CSNK1A1: variants seen among roughly 807,000 people sequenced by gnomAD.
CSNK1A1 encodes casein kinase 1 alpha 1.
A neutral mutation model predicts 46.1 loss-of-function variants in CSNK1A1; 7 were observed. The observed-to-expected ratio is 0.15, with a 90% CI of 0.09 to 0.29. The LOEUF (loss-of-function observed/expected upper bound fraction) is 0.29. CSNK1A1 is among the 10% of genes least tolerant of loss of function. The pLI is 1.00. For synonymous variants in CSNK1A1, 137 were observed against 141.5 expected, an observed-to-expected ratio of 0.97 and a Z score of 0.23; for missense variants, 96 against 417.1, an observed-to-expected ratio of 0.23 and a Z score of 6.71.
intron 2 of CSNK1A1, among the ~76,000 whole-genome samples, chr5:149,535,878 T>G (rs889617717): frequency 2.6e-5 from 4 of 152,056 alleles, no homozygotes; most frequent in Non-Finnish European, 5.9e-5. Context: ...ACTCCTGACC[T>G]CAAGTGATCC....
Position 149,534,482 on chromosome 5 carries a change from C to CAAAAA in CSNK1A1, c.231-9316_231-9312dup, listed in dbSNP as rs10597922. Among the ~76,000 whole-genome samples, 95 of 94,980 alleles carry CAAAAA rather than the reference C, an allele frequency of 1.0e-3. 3 individuals are homozygous for CAAAAA. The highest frequency in any genetic ancestry group is 3.9e-3 in the African/African-American group (92 of 23,612). The allele number at this position is 94,980 out of a possible 152,430, so 62.3% of individuals were successfully genotyped here. On this transcript the variant is annotated intron_variant, in intron 2 of 9. Transcript: ENST00000377843. ...CTGGCGACAGAGCGAGACTCTGTCT[C>CAAAAA]AAAAAAAAAAAAAAAAAAAAAAAAA...
chr5:149,512,325 ATATT>A (rs1191470060), intron 5 of CSNK1A1, among the ~76,000 whole-genome samples: 3 of 152,036 alleles, frequency 2.0e-5, no homozygotes, highest in African/African-American at 4.8e-5. Flanking sequence ...AGATATATAT[ATATT>A]TAAGGATAGG....
intron 9 of CSNK1A1, chr5:149,504,576 C>G (rs995704607): frequency 1.2e-5 from 12 of 985,380 alleles, no homozygotes; most frequent in Non-Finnish European, 1.3e-5. Flanking sequence ...AACTGTATAG[C>G]AACAGTGTGC....
At chr5:149,509,770 G>A (rs1265052875) in intron 7 of CSNK1A1, 109 bp downstream of exon 7, 1 of 623,452 alleles carries the variant, frequency 1.6e-6, no homozygotes, top group East Asian at 3.5e-5. Flanking sequence ...TTGAACTCCT[G>A]GGCTCATGTG....
intron 2 of CSNK1A1, chr5:149,549,461 G>C (rs1044807816): frequency 2.8e-6 from 2 of 702,176 alleles, no homozygotes; most frequent in Non-Finnish European, 5.2e-6. Context: ...CCTCCACACC[G>C]CCTCCTGCAG....
chr5:149,524,316 T>C (rs1038346933), intron 3 of CSNK1A1, among the ~76,000 whole-genome samples: 2 of 152,146 alleles, frequency 1.3e-5, no homozygotes, highest in Non-Finnish European at 2.9e-5. Flanking sequence ...TTTCCAGCAT[T>C]TTCCTGCCCT....
At chr5:149,496,949 A>G in intron 9 of CSNK1A1, 89 bp from the exon 10 acceptor site, 1 of 1,503,368 alleles carries the variant, frequency 6.7e-7, no homozygotes, top group Non-Finnish European at 8.8e-7. Flanking sequence ...GGTGGAACTG[A>G]GCCAATAATT....
Position 149,550,959 on chromosome 5 carries a change from C to T in CSNK1A1, c.6G>A (p.Ala2=). Residue 2 remains alanine (A), a synonymous_variant, in exon 1 of 10, where the codon GCG becomes GCA. Coordinates refer to ENST00000377843, the MANE Select transcript of CSNK1A1 (RefSeq NM_001892.6). The surrounding 1 kb of genome is among the most constrained non-coding windows in gnomAD (Gnocchi z 4.3). ...ATTCAGCCTTGGAGCCGCTGCTACTCGCCATCCTGAGAGACGAAGATGGAG... is the reference window on the plus strand; with the variant it reads ...ATTCAGCCTTGGAGCCGCTGCTACTTGCCATCCTGAGAGACGAAGATGGAG... M[A]SSSGSKAEFI... is the part of the protein sequence containing the mutation. The T allele has an allele frequency of 6.2e-7, 1 of 1,614,074 alleles. No homozygotes were observed. The highest frequency in any genetic ancestry group is 8.5e-7 in the Non-Finnish European group (1 of 1,179,978).
chr5:149,493,054 C>A lies in CSNK1A1; in HGVS notation c.*3799G>T, dbSNP rs749568712. 4 of 152,174 alleles carry A rather than the reference C, an allele frequency of 2.6e-5. No individual in the cohort carries two copies. Among genetic ancestry groups the A allele is most frequent in the Non-Finnish European group, 5.9e-5 (4 of 68,050 alleles). The allele number at this position is 152,174 out of a possible 1,614,324, so 9.4% of individuals were successfully genotyped here. ...TATAATCCTTCAAGTGGCTCCTGTG[C>A]CCTTTTGACATGTATCCACCTTTTT... On this transcript the variant is annotated 3_prime_UTR_variant, in exon 10 of 10. Coordinates refer to ENST00000377843, the MANE Select transcript of CSNK1A1 (RefSeq NM_001892.6).
intron 2 of CSNK1A1, among the ~76,000 whole-genome samples, chr5:149,548,468 G>T (rs534059250): frequency 4.5e-4 from 69 of 152,306 alleles, no homozygotes; most frequent in Non-Finnish European, 7.2e-4. Flanking sequence ...TTGGGAGGCT[G>T]AGGCAGGAGG....
chr5:149,497,444 G>A (rs1272196161), intron 9 of CSNK1A1: 1 of 985,770 alleles, frequency 1.0e-6, no homozygotes, highest in African/African-American at 1.7e-5. Context: ...ATTTAAAAAT[G>A]TAAGCAAGTG....
chr5:149,506,734 T>C (rs1761044396), intron 8 of CSNK1A1, among the ~76,000 whole-genome samples: 1 of 152,142 alleles, frequency 6.6e-6, no homozygotes, highest in Non-Finnish European at 1.5e-5. Context: ...AGTTGGAGAG[T>C]TCCAGAAGGC....
intron 2 of CSNK1A1, among the ~76,000 whole-genome samples, chr5:149,542,436 C>T (rs1277603532): frequency 6.9e-6 from 1 of 145,702 alleles, no homozygotes; most frequent in Non-Finnish European, 1.5e-5. Flanking sequence ...ATTCCCACCC[C>T]CACCCCACCC....
At chr5:149,521,136 G>C (rs1358599280) in intron 3 of CSNK1A1, among the ~76,000 whole-genome samples, 3 of 152,164 alleles carry the variant, frequency 2.0e-5, no homozygotes, top group East Asian at 3.9e-4. Context: ...TTACCCACTA[G>C]TGCTTTTATT....
In CSNK1A1 at chr5:149,517,928, G is replaced by C. The variant is rs1199995376; in HGVS notation, c.456+2362C>G. 8.4e-7 allele frequency: 1 copy of C among 1,184,702 alleles called. No homozygotes were observed. The highest frequency in any genetic ancestry group is 1.2e-6 in the Non-Finnish European group (1 of 808,054). 73.4% of individuals were successfully genotyped at this position (1,184,702 alleles called of 1,614,324 possible). A position where few individuals can be genotyped will look rare whatever the true frequency, so the allele number is the denominator to read the frequency against. On this transcript the variant is annotated intron_variant, in intron 4 of 9. Coordinates refer to ENST00000377843, the MANE Select transcript of CSNK1A1 (RefSeq NM_001892.6). The surrounding 1 kb of genome is among the most constrained non-coding windows in gnomAD (Gnocchi z 4.4). ...TGCATCAAACAGTATTGCTTACATT[G>C]CAACAATGGCCGGCGCAGACAGGCA...
chr5:149,548,264 G>C (rs925044838), intron 2 of CSNK1A1, among the ~76,000 whole-genome samples: 17 of 152,090 alleles, frequency 1.1e-4, no homozygotes, highest in African/African-American at 4.1e-4. Context: ...ATACAAACTG[G>C]AATAGAAAAA....
At chr5:149,548,650 C>G (rs1342934483) in intron 2 of CSNK1A1, among the ~76,000 whole-genome samples, 1 of 152,144 alleles carries the variant, frequency 6.6e-6, no homozygotes, top group Admixed American at 6.5e-5. Flanking sequence ...CACCTGAGGT[C>G]AGGAGTTCGA....
chr5:149,510,052 T>A, intron 6 of CSNK1A1, 99 bp from the exon 7 acceptor site: 1 of 747,050 alleles, frequency 1.3e-6, no homozygotes, highest in Non-Finnish European at 2.0e-6. Flanking sequence ...CCTGTGAGAT[T>A]CAAGAGAAAT....
Position 149,496,642 on chromosome 5 carries a change from A to T in CSNK1A1, c.*211T>A. ...GACACCATGTTTCACTATCTCAGTT[A>T]ATATTCACAATTACAGAGGCTACAA... is the stretch of plus-strand genomic sequence containing the variant. On this transcript the variant is annotated 3_prime_UTR_variant, in exon 10 of 10. Coordinates refer to ENST00000377843, the MANE Select transcript of CSNK1A1 (RefSeq NM_001892.6). The T allele has an allele frequency of 2.1e-6, 1 of 472,142 alleles. No individual in the cohort carries two copies. Among genetic ancestry groups the T allele is most frequent in the Non-Finnish European group, 3.5e-6 (1 of 283,716 alleles). The allele number at this position is 472,142 out of a possible 1,614,324, so 29.2% of individuals were successfully genotyped here.
Sources: allele counts gnomAD v4.1 joint callset (sites outside exome capture counted in the v4.1 genomes callset), GRCh38; gene constraint gnomAD v4.1.1; non-coding constraint Gnocchi (gnomAD v3.1); transcripts MANE v1.5; gene names NCBI Gene and HGNC (gene_info 2026-07-23, HGNC 2026-07-21).